KLHL18: variants seen among roughly 807,000 people sequenced by gnomAD.
The protein encoded by KLHL18 is kelch like family member 18.
KLHL18 carries 38 observed loss-of-function variants against 58.5 expected under a neutral mutation model. The observed-to-expected ratio is 0.65, with a 90% CI of 0.50 to 0.85. KLHL18 has a LOEUF of 0.85. Among genes scored for constraint, KLHL18 ranks in the 40% least tolerant of loss-of-function variants. The pLI is 0.00. For synonymous variants in KLHL18, 303 were observed against 301.9 expected (o/e 1.00, Z -0.04); for missense variants, 624 against 778.4 (o/e 0.80, Z 2.36).
intron 3 of KLHL18, among the ~76,000 whole-genome samples, chr3:47,328,675 A>G (rs1415940346): frequency 1.3e-5 from 2 of 152,032 alleles, no homozygotes; most frequent in Non-Finnish European, 2.9e-5. Flanking sequence ...TGTGAGCACC[A>G]TTTTTGGTTT....
intron 1 of KLHL18, among the ~76,000 whole-genome samples, chr3:47,309,862 G>A (rs1217291782): frequency 1.3e-5 from 2 of 152,174 alleles, no homozygotes; most frequent in African/African-American, 2.4e-5. Context: ...CCAGTCAGGC[G>A]TGGCAGCGCG....
intron 2 of KLHL18, among the ~76,000 whole-genome samples, chr3:47,320,711 A>G (rs1284295672): frequency 6.6e-6 from 1 of 152,188 alleles, no homozygotes; most frequent in East Asian, 1.9e-4. Context: ...TGAGGCTAGG[A>G]GTTCAAGACC....
In KLHL18 at chr3:47,344,972, CTCT is replaced by C. The variant is rs1704197551; in HGVS notation, c.*1036_*1038del. Reference sequence around the variant, plus strand: ...TAGGCTATCTGCTGAATTACTGCCACTCTTCTTGGTGGGGGCTCCTAGCTGTGG... The same window carrying C: ...TAGGCTATCTGCTGAATTACTGCCACTCTTGGTGGGGGCTCCTAGCTGTGG... On this transcript the variant is annotated 3_prime_UTR_variant, in exon 10 of 10. Coordinates refer to ENST00000232766, the MANE Select transcript of KLHL18 (RefSeq NM_025010.5). 2.0e-5 allele frequency: 3 copies of C among 152,552 alleles called. No homozygotes were observed. The highest frequency in any genetic ancestry group is 2.9e-5 in the Non-Finnish European group (2 of 68,062). 9.4% of individuals were successfully genotyped at this position (152,552 alleles called of 1,614,324 possible).
chr3:47,306,042 T>A (rs1703140959), intron 1 of KLHL18, among the ~76,000 whole-genome samples: 1 of 152,090 alleles, frequency 6.6e-6, no homozygotes, highest in Non-Finnish European at 1.5e-5. Flanking sequence ...ACTGTTTTCC[T>A]GTTTTTAATT....
chr3:47,291,361 T>A (rs1702787837), intron 1 of KLHL18, among the ~76,000 whole-genome samples: 1 of 152,192 alleles, frequency 6.6e-6, no homozygotes, highest in Admixed American at 6.5e-5. Context: ...TAGGAAGACC[T>A]TAGGAAGAAC....
intron 1 of KLHL18, among the ~76,000 whole-genome samples, chr3:47,295,757 TTTGGTAGATACAGGGTC>T (rs1702882803): frequency 6.6e-6 from 1 of 152,050 alleles, no homozygotes; most frequent in Non-Finnish European, 1.5e-5. Context: ...ATTTTTTTTT[TTTGGTAGATACAGGGTC>T]TTGCTTTGTT....
Position 47,333,173 on chromosome 3 carries a change from T to C in KLHL18, c.617T>C (p.Leu206Ser). 1 of 1,613,664 alleles carries C rather than the reference T, an allele frequency of 6.2e-7. No homozygotes were observed. Among genetic ancestry groups the C allele is most frequent in the Non-Finnish European group, 8.5e-7 (1 of 1,179,784 alleles). ...TCATGACAGGTCTTTGAAGCTGCATTGGCCTGGGTCAGATACGACCGGGAG... is the reference window on the plus strand; with the variant it reads ...TCATGACAGGTCTTTGAAGCTGCATCGGCCTGGGTCAGATACGACCGGGAG... Reference protein sequence around the residue: ...KSEEQVFEAALAWVRYDREQR... With the variant: ...KSEEQVFEAASAWVRYDREQR... Residue 206 changes from leucine (L) to serine (S), a missense_variant, in exon 5 of 10, where the codon TTG becomes TCG. Coordinates refer to ENST00000232766, the MANE Select transcript of KLHL18 (RefSeq NM_025010.5).
At chr3:47,310,412 A>G (rs577099585) in intron 1 of KLHL18, among the ~76,000 whole-genome samples, 85 of 152,270 alleles carry the variant, frequency 5.6e-4, no homozygotes, top group Middle Eastern at 3.4e-3. Context: ...TAGATCCTCT[A>G]CTAGGTGATC....
chr3:47,284,523 G>T (rs1005424646), intron 1 of KLHL18, among the ~76,000 whole-genome samples: 4 of 151,778 alleles, frequency 2.6e-5, no homozygotes, highest in Non-Finnish European at 5.9e-5. Flanking sequence ...TTTTAGTAGA[G>T]ACAGGGTTTC....
intron 1 of KLHL18, among the ~76,000 whole-genome samples, chr3:47,312,686 T>C (rs977471977): frequency 1.2e-4 from 18 of 152,134 alleles, no homozygotes; most frequent in Admixed American, 1.1e-3. Flanking sequence ...AAGAAAATAA[T>C]ATTTTTATCT....
intron 1 of KLHL18, among the ~76,000 whole-genome samples, chr3:47,316,091 G>A (rs807933): frequency 0.96 from 145,736 of 152,234 alleles, 70,095 homozygotes; most frequent in East Asian, 1. Flanking sequence ...AAATTTCTGA[G>A]GAGAAAAAAT....
chr3:47,292,547 T>C (rs1350669480), intron 1 of KLHL18, among the ~76,000 whole-genome samples: 1 of 151,848 alleles, frequency 6.6e-6, no homozygotes, highest in Non-Finnish European at 1.5e-5. Context: ...CACAGCAGCA[T>C]TATTCACAAT....
At chr3:47,303,350 G>GT (rs1399954822) in intron 1 of KLHL18, among the ~76,000 whole-genome samples, 12 of 152,186 alleles carry the variant, frequency 7.9e-5, no homozygotes, top group Non-Finnish European at 1.8e-4. Context: ...TAGAGACATT[G>GT]TGTTTGGGGG....
intron 1 of KLHL18, among the ~76,000 whole-genome samples, chr3:47,308,828 G>A (rs1703213454): frequency 6.6e-6 from 1 of 151,056 alleles, no homozygotes; most frequent in African/African-American, 2.4e-5. Context: ...AGGGGGATTT[G>A]GCAGGGTCAC....
intron 8 of KLHL18, 104 bp downstream of exon 8, chr3:47,340,780 T>C: frequency 7.6e-7 from 1 of 1,321,422 alleles, no homozygotes; most frequent in South Asian, 1.3e-5. Flanking sequence ...GTAGAGAATG[T>C]CTTACCTTTT....
intron 1 of KLHL18, among the ~76,000 whole-genome samples, chr3:47,307,090 G>A (rs1703163017): frequency 1.3e-5 from 2 of 151,202 alleles, no homozygotes; most frequent in South Asian, 2.1e-4. Flanking sequence ...TCTTTTTTTC[G>A]AGATGGAGTC....
chr3:47,321,567 C>G (rs1703589742), intron 2 of KLHL18, among the ~76,000 whole-genome samples: 1 of 152,052 alleles, frequency 6.6e-6, no homozygotes, highest in African/African-American at 2.4e-5. Context: ...TTAGGCTGGT[C>G]TCGAGCTCCT....
intron 1 of KLHL18, chr3:47,297,535 ATCTTTTTCT>A (rs1283914627): frequency 8.8e-6 from 4 of 456,536 alleles, no homozygotes; most frequent in Non-Finnish European, 1.8e-5. Flanking sequence ...AAGCCTCACC[ATCTTTTTCT>A]TGAGCTTTTT....
chr3:47,301,068 G>A (rs1703014902), intron 1 of KLHL18, among the ~76,000 whole-genome samples: 1 of 151,730 alleles, frequency 6.6e-6, no homozygotes, highest in South Asian at 2.1e-4. Context: ...TTTTCTCATT[G>A]GATTGTTTTT....
Sources: allele counts gnomAD v4.1 joint callset (sites outside exome capture counted in the v4.1 genomes callset), GRCh38; gene constraint gnomAD v4.1.1; transcripts MANE v1.5; gene names NCBI Gene and HGNC (gene_info 2026-07-23, HGNC 2026-07-21).